Variants in RNF38 observed in about 807,000 individuals in gnomAD.
RNF38 encodes the protein E3 ubiquitin-protein ligase RNF38.
Under a neutral mutation model 67.2 loss-of-function variants are expected in RNF38, and 15 were observed. That is an observed-to-expected ratio of 0.22 (90% CI 0.15 to 0.34). RNF38 has a LOEUF of 0.34. Among genes scored for constraint, RNF38 ranks in the 10% least tolerant of loss-of-function variants. The pLI is 1.00. For synonymous variants in RNF38, 220 were observed against 218.8 expected (o/e 1.01, Z -0.05); for missense variants, 524 against 639.9 (o/e 0.82, Z 1.95).
At chr9:36,353,362 G>T in intron 6 of RNF38, 31 bp from the exon 7 acceptor site, 2 of 1,315,710 alleles carry the variant, frequency 1.5e-6, no homozygotes, top group Non-Finnish European at 2.1e-6. Context: ...ACACATATAT[G>T]TATATATATA....
chr9:36,342,818 A>G (rs1256074896), intron 10 of RNF38, among the ~76,000 whole-genome samples: 1 of 152,248 alleles, frequency 6.6e-6, no homozygotes, highest in African/African-American at 2.4e-5. Context: ...AAGAAAACAC[A>G]GTAAATTTTC....
intron 2 of RNF38, among the ~76,000 whole-genome samples, chr9:36,382,190 AG>A (rs746873915): frequency 1.3e-5 from 2 of 152,234 alleles, no homozygotes; most frequent in Non-Finnish European, 2.9e-5. Context: ...AAAATTCATA[AG>A]ATGTTGATTC....
intron 1 of RNF38, among the ~76,000 whole-genome samples, chr9:36,428,454 CATATATATATAT>C (rs10588812): frequency 4.6e-4 from 67 of 146,178 alleles, no homozygotes; most frequent in African/African-American, 1.7e-3. Context: ...CTATTGTTTA[CATATATATATAT>C]ATATATATAC....
In RNF38 at chr9:36,420,532, C is replaced by CAAAAAAAAA. The variant is rs59641483; in HGVS notation, n.312+4072_312+4080dup. On this transcript the variant is annotated intron_variant and non_coding_transcript_variant, in intron 2 of 3. Transcript: ENST00000488058. ...GGGCAACAGAGCAAGACTCTGTCTCCAAAAAAAAAAAAAAAGAGGACAACC... is the reference window on the plus strand; with the variant it reads ...GGGCAACAGAGCAAGACTCTGTCTCCAAAAAAAAAAAAAAAAAAAAAAAAGAGGACAACC... Among the ~76,000 whole-genome samples, 228 of 73,340 alleles carry CAAAAAAAAA rather than the reference C, an allele frequency of 3.1e-3. 11 individuals carry two copies. Among genetic ancestry groups the CAAAAAAAAA allele is most frequent in the African/African-American group, 6.9e-3 (174 of 25,294 alleles). The allele number at this position is 73,340 out of a possible 152,430, so 48.1% of individuals were successfully genotyped here.
Position 36,390,449 on chromosome 9 carries a change from G to A in RNF38, c.162+18C>T, listed in dbSNP as rs781612515. The stretch of plus-strand genomic sequence containing the variant: ...TGACTTTCAGCCCTATGTAGGGAAA[G>A]GGTAAATATATAAGAACCTGGAAGA... On this transcript the variant is annotated intron_variant, in intron 2 of 11. Transcript: ENST00000259605. 1.2e-5 allele frequency: 19 copies of A among 1,605,762 alleles called. No homozygotes were observed. The East Asian group carries it at 3.6e-4, about 30-fold the overall frequency.
chr9:36,472,874 G>A lies in RNF38; in HGVS notation n.241+14434C>T, dbSNP rs570206295. 1.4e-3 allele frequency among the ~76,000 whole-genome samples: 63 copies of A among 46,500 alleles called. 2 individuals carry two copies. In the East Asian group the frequency reaches 0.037, roughly 28 times the overall value. 30.5% of individuals were successfully genotyped at this position (46,500 alleles called of 152,430 possible). On this transcript the variant is annotated intron_variant and non_coding_transcript_variant, in intron 1 of 3. Coordinates refer to the RNF38 transcript ENST00000488058. ...TAATCCCAGCACTCTGAGAGACCGA[G>A]GTGGGTGGATCACCTGAGGTCAGGA...
At chr9:36,372,229 GAATGA>G (rs1446286484) in intron 3 of RNF38, among the ~76,000 whole-genome samples, 2 of 152,016 alleles carry the variant, frequency 1.3e-5, no homozygotes, top group Non-Finnish European at 2.9e-5. Flanking sequence ...GCGCCCAGCT[GAATGA>G]ACTCACTTTT....
chr9:36,415,674 T>C (rs1174753277), intron 2 of RNF38, among the ~76,000 whole-genome samples: 1 of 152,160 alleles, frequency 6.6e-6, no homozygotes, highest in Non-Finnish European at 1.5e-5. Context: ...ATGTGATCAG[T>C]ATCCCGGTCT....
intron 1 of RNF38, among the ~76,000 whole-genome samples, chr9:36,455,376 T>G (rs956967233): frequency 6.6e-6 from 1 of 152,030 alleles, no homozygotes; most frequent in East Asian, 1.9e-4. Flanking sequence ...AAATGAAATA[T>G]TGTACTTTAT....
At chr9:36,351,047 G>C (rs1784529521) in intron 9 of RNF38, 68 bp downstream of exon 9, 1 of 1,138,550 alleles carries the variant, frequency 8.8e-7, no homozygotes, top group African/African-American at 1.5e-5. Flanking sequence ...GTGGTTTAAA[G>C]AGTTAAGTAG....
At chr9:36,461,375 G>A (rs1839730366) in intron 1 of RNF38, among the ~76,000 whole-genome samples, 1 of 152,186 alleles carries the variant, frequency 6.6e-6, no homozygotes, top group African/African-American at 2.4e-5. Flanking sequence ...AGTCAAGGAA[G>A]GCCTCAGAAG....
chr9:36,401,167 G>C (rs993721463), upstream of RNF38: 10 of 984,092 alleles, frequency 1.0e-5, no homozygotes, highest in East Asian at 1.2e-4. Context: ...ACCGCGCGCC[G>C]AACCCCCTTT....
At chr9:36,450,184 ACTCT>A (rs1371291372) in intron 1 of RNF38, among the ~76,000 whole-genome samples, 1 of 151,714 alleles carries the variant, frequency 6.6e-6, no homozygotes, top group Non-Finnish European at 1.5e-5. Context: ...AACCATCATC[ACTCT>A]ATTTCCAAAA....
intron 1 of RNF38, among the ~76,000 whole-genome samples, chr9:36,457,710 C>A (rs1417924517): frequency 6.6e-6 from 1 of 152,034 alleles, no homozygotes; most frequent in Non-Finnish European, 1.5e-5. Flanking sequence ...GAGCTCAAGA[C>A]CAGCCTGGCT....
chr9:36,436,739 C>T (rs763362358), intron 1 of RNF38, among the ~76,000 whole-genome samples: 1 of 143,650 alleles, frequency 7.0e-6, no homozygotes, highest in Non-Finnish European at 1.5e-5. Context: ...AGGAGAATGG[C>T]GTGGACCCGG....
intron 1 of RNF38, among the ~76,000 whole-genome samples, chr9:36,393,519 GTGT>G (rs1837288607): frequency 1.4e-5 from 2 of 139,742 alleles, no homozygotes; most frequent in South Asian, 2.2e-4. Context: ...GTGTGTGTGT[GTGT>G]GGGGCAGGCA....
At chr9:36,411,149 C>A (rs2134197362) in intron 2 of RNF38, among the ~76,000 whole-genome samples, 1 of 136,740 alleles carries the variant, frequency 7.3e-6, no homozygotes, top group Non-Finnish European at 1.6e-5. Flanking sequence ...ACTCCTAAAA[C>A]TGAACAGCAA....
chr9:36,375,928 A>T lies in RNF38; in HGVS notation c.356+6T>A. Reference sequence around the variant, plus strand: ...AAACTTAAGAAATAAATTGTAATCAACTAACCTTCTTCTGTTGCGTGCAGG... The same window carrying T: ...AAACTTAAGAAATAAATTGTAATCATCTAACCTTCTTCTGTTGCGTGCAGG... On this transcript the variant is annotated splice_donor_region_variant and intron_variant, in intron 3 of 11. Coordinates refer to ENST00000259605, the MANE Select transcript of RNF38 (RefSeq NM_022781.5). The T allele has an allele frequency of 6.3e-7, 1 of 1,596,592 alleles. No individual in the cohort carries two copies. The highest frequency in any genetic ancestry group is 8.5e-7 in the Non-Finnish European group (1 of 1,174,224).
At chr9:36,377,008 C>G (rs1041190004) in intron 2 of RNF38, among the ~76,000 whole-genome samples, 9 of 151,314 alleles carry the variant, frequency 5.9e-5, no homozygotes. Context: ...TTTACATGAT[C>G]AGTTCTTAAC....
Sources: gnomAD v4.1 joint callset for allele counts (sites outside exome capture counted in the v4.1 genomes callset) on GRCh38, gnomAD v4.1.1 for gene constraint, MANE v1.5 for transcripts, NCBI Gene and HGNC (gene_info 2026-07-23, HGNC 2026-07-21) for gene names.